JAZF1: variants seen among roughly 807,000 people sequenced by gnomAD.
JAZF1 encodes JAZF zinc finger 1.
A neutral mutation model predicts 26.4 loss-of-function variants in JAZF1; 8 were observed. The ratio of observed to expected loss-of-function variants is 0.30; its 90% CI spans 0.18 to 0.55. JAZF1 has a LOEUF of 0.55. Among genes scored for constraint, JAZF1 ranks in the 20% least tolerant of loss-of-function variants. The pLI, the probability that JAZF1 is intolerant of heterozygous loss-of-function variation, is 0.94. For missense variants in JAZF1, 199 were observed against 322.0 expected, an observed-to-expected ratio of 0.62 and a Z score of 2.92; for synonymous variants, 126 against 122.3, an observed-to-expected ratio of 1.03 and a Z score of -0.20.
chr7:27,934,525 T>C (rs1256984295), intron 2 of JAZF1, among the ~76,000 whole-genome samples: 1 of 152,144 alleles, frequency 6.6e-6, no homozygotes, highest in African/African-American at 2.4e-5. Flanking sequence ...TATTACAGTG[T>C]ACCAGATTGT....
chr7:28,096,655 G>T (rs1020324702), intron 1 of JAZF1, among the ~76,000 whole-genome samples: 7 of 152,190 alleles, frequency 4.6e-5, no homozygotes, highest in African/African-American at 1.4e-4. Flanking sequence ...ACTACAAGAT[G>T]GCCAATAAGA....
At chr7:28,170,796 A>G (rs1392795249) in intron 1 of JAZF1, among the ~76,000 whole-genome samples, 1 of 152,156 alleles carries the variant, frequency 6.6e-6, no homozygotes, top group Non-Finnish European at 1.5e-5. Flanking sequence ...CATCTTGTAA[A>G]AGATCACAAC....
chr7:27,991,888 T>A, intron 2 of JAZF1, 21 bp downstream of exon 2: 1 of 1,388,538 alleles, frequency 7.2e-7, no homozygotes, highest in Non-Finnish European at 1.0e-6. Context: ...GTTGTTATAA[T>A]AAATTCTGAA....
intron 1 of JAZF1, among the ~76,000 whole-genome samples, chr7:28,152,326 A>T (rs1163704388): frequency 6.6e-6 from 1 of 152,216 alleles, no homozygotes; most frequent in Non-Finnish European, 1.5e-5. Context: ...TGAATACCTA[A>T]AAGTCCTGTA....
intron 2 of JAZF1, among the ~76,000 whole-genome samples, chr7:27,937,860 A>T (rs1031532069): frequency 1.3e-5 from 2 of 152,228 alleles, no homozygotes; most frequent in African/African-American, 4.8e-5. Flanking sequence ...AAAAAAGGGA[A>T]ATTCTTACAG....
rs148170306 is a variant in JAZF1 at position 28,111,775 on chromosome 7, T to A, written c.115+68688A>T. 2.9e-3 allele frequency among the ~76,000 whole-genome samples: 436 copies of A among 152,258 alleles called. 8 individuals are homozygous for A. The highest frequency in any genetic ancestry group is 2.9e-3 in the Non-Finnish European group (200 of 68,010). On this transcript the variant is annotated intron_variant, in intron 1 of 4. Transcript: ENST00000283928. ...TCAGGAGACTTCCCAGGGGTGTGTG[T>A]GTGCATGCAGCATGCATGCATGTGC...
At chr7:27,973,123 G>T (rs555654666) in intron 2 of JAZF1, among the ~76,000 whole-genome samples, 2 of 152,206 alleles carry the variant, frequency 1.3e-5, no homozygotes, top group East Asian at 1.9e-4. Flanking sequence ...GCAGGGTGGG[G>T]TGTTAGGGAG....
At chr7:28,065,629 C>A (rs1189157746) in intron 1 of JAZF1, among the ~76,000 whole-genome samples, 1 of 152,156 alleles carries the variant, frequency 6.6e-6, no homozygotes, top group East Asian at 1.9e-4. Flanking sequence ...TGTTTTACAT[C>A]CTGCCTAGCA....
At chr7:28,007,474 C>G (rs1209186113) in intron 1 of JAZF1, among the ~76,000 whole-genome samples, 3 of 151,856 alleles carry the variant, frequency 2.0e-5, no homozygotes, top group Non-Finnish European at 4.4e-5. Flanking sequence ...GAGGCTGAGG[C>G]AGGAGAATCA....
intron 2 of JAZF1, among the ~76,000 whole-genome samples, chr7:27,897,458 G>A (rs1453307900): frequency 2.0e-5 from 3 of 152,188 alleles, no homozygotes; most frequent in East Asian, 1.9e-4. Flanking sequence ...ATTAACGTAC[G>A]TCTTTTCCCT....
intron 3 of JAZF1, chr7:27,842,191 C>G (rs1210072297): frequency 6.6e-6 from 1 of 152,112 alleles, no homozygotes; most frequent in Non-Finnish European, 1.5e-5. Context: ...TTACTCAGTG[C>G]CTATGATGTT....
chr7:28,005,996 G>T (rs1782694306), intron 1 of JAZF1, among the ~76,000 whole-genome samples: 1 of 152,122 alleles, frequency 6.6e-6, no homozygotes, highest in South Asian at 2.1e-4. Context: ...AAAGATGACA[G>T]TGACTCATGG....
At chr7:28,055,970 T>C (rs1034977280) in intron 1 of JAZF1, among the ~76,000 whole-genome samples, 8 of 152,184 alleles carry the variant, frequency 5.3e-5, no homozygotes, top group African/African-American at 1.9e-4. Flanking sequence ...CAGAAAACAT[T>C]GTACTATGGT....
chr7:27,906,971 T>C (rs924215232), intron 2 of JAZF1, among the ~76,000 whole-genome samples: 1 of 152,232 alleles, frequency 6.6e-6, no homozygotes, highest in African/African-American at 2.4e-5. Flanking sequence ...AAATGAGTTA[T>C]TGAGGTTTCA....
At chr7:27,878,928 T>G (rs1416829794) in intron 3 of JAZF1, among the ~76,000 whole-genome samples, 1 of 152,240 alleles carries the variant, frequency 6.6e-6, no homozygotes. Flanking sequence ...CATTATTATT[T>G]TTGTTGATCT....
At chr7:27,863,966 C>T (rs1311061299) in intron 3 of JAZF1, 2 of 152,266 alleles carry the variant, frequency 1.3e-5, no homozygotes, top group Non-Finnish European at 2.9e-5. Flanking sequence ...GGCAGTGGCA[C>T]TTCCCGCTAG....
intron 2 of JAZF1, among the ~76,000 whole-genome samples, chr7:27,923,779 G>C (rs1784570870): frequency 6.6e-6 from 1 of 152,236 alleles, no homozygotes; most frequent in African/African-American, 2.4e-5. Context: ...TAACACCACA[G>C]TGACATGATT....
chr7:27,841,917 TAAG>T (rs1180306009), intron 3 of JAZF1: 1 of 152,148 alleles, frequency 6.6e-6, no homozygotes, highest in Non-Finnish European at 1.5e-5. Context: ...ACAACATTAA[TAAG>T]AATTATATGG....
In JAZF1 at chr7:28,132,837, C is replaced by T. The variant is rs77584216; in HGVS notation, c.115+47626G>A. 5.3e-5 allele frequency among the ~76,000 whole-genome samples: 8 copies of T among 152,294 alleles called. No individual in the cohort carries two copies. In the East Asian group the frequency reaches 9.7e-4, roughly 18 times the overall value. On this transcript the variant is annotated intron_variant, in intron 1 of 4. Transcript: ENST00000283928. Reference sequence around the variant, plus strand: ...ACAATTGATAAATACACTGTCACCACTGCCCCCCACCCCTACCCATCTCTG... The same window carrying T: ...ACAATTGATAAATACACTGTCACCATTGCCCCCCACCCCTACCCATCTCTG...
Sources: gnomAD v4.1 joint callset for allele counts (sites outside exome capture counted in the v4.1 genomes callset) on GRCh38, gnomAD v4.1.1 for gene constraint, MANE v1.5 for transcripts, NCBI Gene and HGNC (gene_info 2026-07-23, HGNC 2026-07-21) for gene names.